The following LPAR1 variants were observed in gnomAD, a reference collection of about 807,000 sequenced individuals.
LPAR1 encodes lysophosphatidic acid receptor 1.
In LPAR1, 5 loss-of-function variants were observed where a neutral mutation model predicts 23.8. That is an observed-to-expected ratio of 0.21 (90% confidence interval 0.11 to 0.44). The LOEUF (loss-of-function observed/expected upper bound fraction) is 0.44. LPAR1 is among the 20% of genes least tolerant of loss of function. The pLI is 0.99. For synonymous variants in LPAR1, 160 were observed against 164.7 expected, an observed-to-expected ratio of 0.97 and a Z score of 0.22; for missense variants, 311 against 482.8, an observed-to-expected ratio of 0.64 and a Z score of 3.33.
At chr9:110,979,995 T>C (rs2138880507) in intron 2 of LPAR1, among the ~76,000 whole-genome samples, 2 of 152,202 alleles carry the variant, frequency 1.3e-5, no homozygotes, top group South Asian at 4.1e-4. Context: ...ACAATTAGTT[T>C]AAATAGAACA....
intron 4 of LPAR1, among the ~76,000 whole-genome samples, chr9:110,954,733 C>G (rs755152487): frequency 1.1e-4 from 16 of 151,962 alleles, no homozygotes; most frequent in Admixed American, 3.9e-4. Flanking sequence ...AAAAAAACTG[C>G]CAGTAAAGAT....
Position 111,038,460 on chromosome 9 carries a change from C to T in LPAR1, c.-555G>A. On this transcript the variant is annotated 5_prime_UTR_variant, in exon 1 of 6. Coordinates refer to ENST00000683809, the MANE Select transcript of LPAR1 (RefSeq NM_001351411.2). This position sits in a 1 kb window ranked among gnomAD's most constrained non-coding sequence, Gnocchi z 4.4. The stretch of plus-strand genomic sequence containing the variant: ...CACTCAGGGAGCGTCAGCCGCCAGT[C>T]GGCCCCTACTGCCCGGCTTTGGCGC... 2 of 338,614 alleles carry T rather than the reference C, an allele frequency of 5.9e-6. No individual in the cohort carries two copies. The highest frequency in any genetic ancestry group is 4.2e-5 in the South Asian group (2 of 48,152). The allele number at this position is 338,614 out of a possible 1,614,324, so 21.0% of individuals were successfully genotyped here.
intron 2 of LPAR1, 83 bp downstream of exon 2, chr9:111,036,039 C>A (rs2097887273): frequency 6.6e-6 from 1 of 152,084 alleles, no homozygotes; most frequent in Non-Finnish European, 1.5e-5. Context: ...TTTGAAACAA[C>A]AAAAAAATCA....
intron 2 of LPAR1, among the ~76,000 whole-genome samples, chr9:110,982,044 A>T (rs2096678401): frequency 6.6e-6 from 1 of 152,200 alleles, no homozygotes. Flanking sequence ...AAATTAGTTC[A>T]ACCATTGTGG....
chr9:110,874,506 A>C lies in LPAR1; in HGVS notation c.*915T>G, dbSNP rs1462074373. ...AGTAATCATTTTTGCTTTTTTATAC[A>C]TTTCTGCATTTTTCAAGTTTTCTAT... On this transcript the variant is annotated 3_prime_UTR_variant, in exon 6 of 6. Transcript: ENST00000683809. 1 of 152,514 alleles carries C rather than the reference A, an allele frequency of 6.6e-6. No individual in the cohort carries two copies. Among genetic ancestry groups the C allele is most frequent in the Non-Finnish European group, 1.5e-5 (1 of 67,990 alleles). 9.4% of individuals were successfully genotyped at this position (152,514 alleles called of 1,614,324 possible).
chr9:110,987,971 A>C (rs944697572), intron 2 of LPAR1, among the ~76,000 whole-genome samples: 3 of 152,044 alleles, frequency 2.0e-5, no homozygotes, highest in African/African-American at 7.2e-5. Context: ...AAATCTTTAA[A>C]GTTACTGGAT....
At chr9:110,902,712 T>C (rs914358232) in intron 5 of LPAR1, among the ~76,000 whole-genome samples, 1 of 152,194 alleles carries the variant, frequency 6.6e-6, no homozygotes, top group African/African-American at 2.4e-5. Context: ...AGCAGGTGGC[T>C]TGCAGCACTA....
rs114479533 is a variant in LPAR1, at chr9:110,992,158, G to A, written c.-181-18600C>T. 6.5e-3 allele frequency among the ~76,000 whole-genome samples: 996 copies of A among 152,174 alleles called. 11 individuals carry two copies. Among genetic ancestry groups the A allele is most frequent in the African/African-American group, 0.023 (957 of 41,528 alleles). On this transcript the variant is annotated intron_variant, in intron 2 of 5. Coordinates refer to ENST00000683809, the MANE Select transcript of LPAR1 (RefSeq NM_001351411.2). ...ATACTTTCAAAGTATATGTCCATAAGGAACTTGTATCCAAAGCATATAAGA... is the reference window on the plus strand; with the variant it reads ...ATACTTTCAAAGTATATGTCCATAAAGAACTTGTATCCAAAGCATATAAGA...
At chr9:111,014,951 TA>T (rs1457535225) in intron 2 of LPAR1, among the ~76,000 whole-genome samples, 1 of 151,480 alleles carries the variant, frequency 6.6e-6, no homozygotes, top group African/African-American at 2.4e-5. Context: ...CCAGGGTCTA[TA>T]AAGAGGTAAT....
At chr9:110,981,017 G>C (rs1275589147) in intron 2 of LPAR1, among the ~76,000 whole-genome samples, 1 of 152,004 alleles carries the variant, frequency 6.6e-6, no homozygotes, top group Non-Finnish European at 1.5e-5. Flanking sequence ...TATGCTGTAA[G>C]TAACTTTATG....
At chr9:110,977,083 T>C (rs1216123420) in intron 2 of LPAR1, among the ~76,000 whole-genome samples, 3 of 152,126 alleles carry the variant, frequency 2.0e-5, no homozygotes, top group Admixed American at 2.0e-4. Flanking sequence ...CATGGGAGGT[T>C]GACAAAAGGA....
At chr9:110,881,839 T>C (rs763577091) in intron 5 of LPAR1, among the ~76,000 whole-genome samples, 1 of 152,134 alleles carries the variant, frequency 6.6e-6, no homozygotes, top group Non-Finnish European at 1.5e-5. Flanking sequence ...CCCTCCAAAG[T>C]CTTCCTACTT....
At chr9:110,939,171 T>C (rs891400903) in intron 5 of LPAR1, among the ~76,000 whole-genome samples, 1 of 152,160 alleles carries the variant, frequency 6.6e-6, no homozygotes, top group Non-Finnish European at 1.5e-5. Flanking sequence ...ACACTTACAA[T>C]TCAAATAGGG....
intron 5 of LPAR1, among the ~76,000 whole-genome samples, chr9:110,895,681 C>T (rs913032324): frequency 3.9e-5 from 6 of 152,076 alleles, no homozygotes; most frequent in South Asian, 4.2e-4. Flanking sequence ...GGGGGGTGTT[C>T]GGAGCTGGAT....
intron 5 of LPAR1, among the ~76,000 whole-genome samples, chr9:110,881,883 A>C (rs994154825): frequency 6.6e-6 from 1 of 152,124 alleles, no homozygotes; most frequent in African/African-American, 2.4e-5. Context: ...TGCCCTACAC[A>C]TGACTGGCCC....
chr9:110,940,675 G>A (rs2095041647), intron 5 of LPAR1, among the ~76,000 whole-genome samples: 1 of 152,174 alleles, frequency 6.6e-6, no homozygotes, highest in South Asian at 2.1e-4. Flanking sequence ...AGCCAGCACA[G>A]AGCGTAGAAC....
rs144215518 is a variant in LPAR1, at chr9:111,022,514, T to C, written c.-182+13608A>G. On this transcript the variant is annotated intron_variant, in intron 2 of 5. Transcript: ENST00000683809. ...ACCAAGGTAAAAAAAACAAAAATCC[T>C]AGTGCAGTAATAATTCTTACCATTA... Among the ~76,000 whole-genome samples the C allele has an allele frequency of 8.6e-3, 1,311 of 152,232 alleles. 23 individuals carry two copies. The highest frequency in any genetic ancestry group is 0.03 in the African/African-American group (1,244 of 41,544).
At chr9:110,915,255 G>A (rs115617532) in intron 5 of LPAR1, among the ~76,000 whole-genome samples, 1,966 of 152,314 alleles carry the variant, frequency 0.013, 36 homozygotes, top group African/African-American at 0.044. Flanking sequence ...ATATACAACA[G>A]GTCGGGCATG....
chr9:110,930,515 A>G (rs2094339135), intron 5 of LPAR1, among the ~76,000 whole-genome samples: 1 of 151,998 alleles, frequency 6.6e-6, no homozygotes. Context: ...CATCTCAAAA[A>G]ATAAAAATAA....
Sources: gnomAD v4.1 joint callset for allele counts (sites outside exome capture counted in the v4.1 genomes callset) on GRCh38, gnomAD v4.1.1 for gene constraint, Gnocchi (gnomAD v3.1) non-coding constraint, MANE v1.5 for transcripts, NCBI Gene and HGNC (gene_info 2026-07-23, HGNC 2026-07-21) for gene names.